Variants in MMP26 observed in about 807,000 individuals in gnomAD.
The protein encoded by MMP26 is matrix metallopeptidase 26.
A neutral mutation model predicts 31.0 loss-of-function variants in MMP26; 33 were observed. The observed-to-expected ratio is 1.06, with a 90% confidence interval of 0.81 to 1.42. The LOEUF (loss-of-function observed/expected upper bound fraction) is 1.42. Ranked by LOEUF, MMP26 falls within the 40% of genes most tolerant of loss-of-function variation. MMP26 has a pLI of 0.00. For synonymous variants in MMP26, 122 were observed against 114.9 expected (o/e 1.06, Z -0.40); for missense variants, 347 against 316.1 (o/e 1.10, Z -0.74).
At chr11:4,889,425 CT>C (rs1254948107) in intron 2 of MMP26, among the ~76,000 whole-genome samples, 1 of 152,078 alleles carries the variant, frequency 6.6e-6, no homozygotes, top group Non-Finnish European at 1.5e-5. Context: ...ATCAATCACA[CT>C]TTTTTTCTGA....
At chr11:4,967,955 A>T (rs910513099) in intron 2 of MMP26, among the ~76,000 whole-genome samples, 4 of 152,278 alleles carry the variant, frequency 2.6e-5, no homozygotes, top group Non-Finnish European at 5.9e-5. Flanking sequence ...AAAATAGGAC[A>T]TTGAAAGAAT....
intron 2 of MMP26, among the ~76,000 whole-genome samples, chr11:4,981,890 C>T (rs987445642): frequency 6.6e-6 from 1 of 151,738 alleles, no homozygotes; most frequent in Non-Finnish European, 1.5e-5. Flanking sequence ...TAGGCCTACA[C>T]AGGCTCAGGA....
In MMP26 at chr11:4,922,817, G is replaced by C. The variant is rs1012875719; in HGVS notation, c.-144-65251G>C. 1.3e-5 allele frequency among the ~76,000 whole-genome samples: 2 copies of C among 151,766 alleles called. 1 individual carries two copies. Among genetic ancestry groups the C allele is most frequent in the Admixed American group, 1.3e-4 (2 of 15,232 alleles). ...TTGATAACTTCCCTTAAACTCCCAGGGTGTCTCCTCCTTTTCTTAATTTTG... is the reference window on the plus strand; with the variant it reads ...TTGATAACTTCCCTTAAACTCCCAGCGTGTCTCCTCCTTTTCTTAATTTTG... On this transcript the variant is annotated intron_variant, in intron 2 of 7. Transcript: ENST00000380390.
At chr11:4,921,720 C>G (rs906323421) in intron 2 of MMP26, among the ~76,000 whole-genome samples, 1 of 152,166 alleles carries the variant, frequency 6.6e-6, no homozygotes, top group East Asian at 1.9e-4. Flanking sequence ...ATCATATGCA[C>G]TTATTTAAAG....
rs1284332252 is a variant in MMP26 at position 4,958,274 on chromosome 11, A to G, written c.-144-29794A>G. On this transcript the variant is annotated intron_variant, in intron 2 of 7. Transcript: ENST00000380390. ...GGAAAAGTGACAATTTTTCGAAATA[A>G]TTCCTGCCGTTTTTACCTCTTGCTA... is the stretch of plus-strand genomic sequence containing the variant. Among the ~76,000 whole-genome samples, 7 of 152,182 alleles carry G rather than the reference A, an allele frequency of 4.6e-5. No homozygotes were observed. In the South Asian group the frequency reaches 1.2e-3, roughly 27 times the overall value.
chr11:4,908,047 C>A (rs1338489849), intron 2 of MMP26: 15 of 1,614,052 alleles, frequency 9.3e-6, no homozygotes, highest in African/African-American at 1.3e-5. Context: ...CTATACTCAG[C>A]ATTGCATCTT....
chr11:4,938,493 A>G (rs1935592690), intron 2 of MMP26, among the ~76,000 whole-genome samples: 1 of 152,006 alleles, frequency 6.6e-6, no homozygotes, highest in South Asian at 2.1e-4. Context: ...AGCCAAACAT[A>G]AAAGCAAATG....
At chr11:4,928,309 G>C (rs557127368) in intron 2 of MMP26, among the ~76,000 whole-genome samples, 1 of 151,998 alleles carries the variant, frequency 6.6e-6, no homozygotes, top group African/African-American at 2.4e-5. Context: ...AAAACCACAG[G>C]TTTCTTCATT....
At chr11:4,834,143 ACT>A (rs1226440095) in intron 2 of MMP26, among the ~76,000 whole-genome samples, 2 of 152,046 alleles carry the variant, frequency 1.3e-5, no homozygotes, top group African/African-American at 2.4e-5. Context: ...TCAACACAGC[ACT>A]CTCTCCTCTG....
intron 2 of MMP26, among the ~76,000 whole-genome samples, chr11:4,808,396 G>T (rs1389442971): frequency 6.6e-6 from 1 of 152,022 alleles, no homozygotes; most frequent in Non-Finnish European, 1.5e-5. Context: ...ATCTGAACTT[G>T]GACCCAGGAT....
intron 2 of MMP26, chr11:4,831,962 C>A (rs926334564): frequency 6.6e-5 from 10 of 152,106 alleles, no homozygotes; most frequent in Non-Finnish European, 1.5e-4. Context: ...CCATTGTTTT[C>A]TTTACATAGG....
chr11:4,965,492 C>A (rs1192350012), intron 2 of MMP26, among the ~76,000 whole-genome samples: 1 of 152,106 alleles, frequency 6.6e-6, no homozygotes, highest in Non-Finnish European at 1.5e-5. Context: ...GATAAATTAA[C>A]TTTTTCCTTT....
At chr11:4,835,140 T>C (rs977973228) in intron 2 of MMP26, among the ~76,000 whole-genome samples, 1 of 151,712 alleles carries the variant, frequency 6.6e-6, no homozygotes, top group African/African-American at 2.4e-5. Context: ...TTTGAACTTA[T>C]GATCCCTGTT....
At chr11:4,778,616 T>C (rs1848819670) in intron 2 of MMP26, among the ~76,000 whole-genome samples, 1 of 152,056 alleles carries the variant, frequency 6.6e-6, no homozygotes, top group African/African-American at 2.4e-5. Flanking sequence ...TACTTCACAT[T>C]TTCACATAAA....
intron 2 of MMP26, chr11:4,946,949 A>T: frequency 6.2e-7 from 1 of 1,605,996 alleles, no homozygotes; most frequent in Non-Finnish European, 8.5e-7. Context: ...CTCTGTCTTG[A>T]TGATAAAAAG....
chr11:4,842,440 A>C (rs566881194), intron 2 of MMP26, among the ~76,000 whole-genome samples: 1 of 152,310 alleles, frequency 6.6e-6, no homozygotes, highest in South Asian at 2.1e-4. Flanking sequence ...GGCCTCAAGA[A>C]ACTTACAATC....
intron 2 of MMP26, chr11:4,903,974 G>C (rs982813031): frequency 6.6e-6 from 1 of 152,050 alleles, no homozygotes; most frequent in Non-Finnish European, 1.5e-5. Context: ...AAATATCGGG[G>C]TGTTTTTCTA....
chr11:4,852,084 G>C (rs1849983560), intron 2 of MMP26, among the ~76,000 whole-genome samples: 1 of 152,072 alleles, frequency 6.6e-6, no homozygotes, highest in African/African-American at 2.4e-5. Context: ...ATAGTTGAAA[G>C]TAAGAAGGTC....
chr11:4,940,055 C>T (rs1846185771), intron 2 of MMP26, among the ~76,000 whole-genome samples: 1 of 151,472 alleles, frequency 6.6e-6, no homozygotes, highest in Non-Finnish European at 1.5e-5. Flanking sequence ...AGGACAAACA[C>T]CCCCAAATGT....
Sources: allele counts gnomAD v4.1 joint callset (sites outside exome capture counted in the v4.1 genomes callset), GRCh38; gene constraint gnomAD v4.1.1; transcripts MANE v1.5; gene names NCBI Gene and HGNC (gene_info 2026-07-23, HGNC 2026-07-21).